Variants in ECHDC3 observed in about 807,000 individuals in gnomAD.
The protein encoded by ECHDC3 is enoyl-CoA hydratase domain-containing protein 3, mitochondrial.
A neutral mutation model predicts 17.9 loss-of-function variants in ECHDC3; 20 were observed. The observed-to-expected ratio is 1.12, with a 90% confidence interval of 0.79 to 1.63. The LOEUF (loss-of-function observed/expected upper bound fraction) is 1.63, where lower values mean the gene tolerates loss of function less well. ECHDC3 is among the 40% of genes most tolerant of loss of function. The probability of loss-of-function intolerance (pLI) is 0.00; values close to 1 mark genes in which losing one functional copy is unlikely to be tolerated. For synonymous variants in ECHDC3, 177 were observed against 149.7 expected (o/e 1.18, Z -1.33); for missense variants, 407 against 357.7 (o/e 1.14, Z -1.11).
intron 4 of ECHDC3, among the ~76,000 whole-genome samples, chr10:11,760,130 T>C (rs1226724126): frequency 6.6e-6 from 1 of 152,220 alleles, no homozygotes; most frequent in African/African-American, 2.4e-5. Flanking sequence ...AGCCTTTCCA[T>C]TGTACTTGAT....
chr10:11,760,954 C>T (rs539605192), intron 4 of ECHDC3, among the ~76,000 whole-genome samples: 107 of 152,374 alleles, frequency 7.0e-4, no homozygotes, highest in African/African-American at 2.5e-3. Flanking sequence ...ATAGCTGTCA[C>T]GTTCCTGCTT....
chr10:11,762,754 C>T (rs1832968870), intron 4 of ECHDC3, among the ~76,000 whole-genome samples: 1 of 152,186 alleles, frequency 6.6e-6, no homozygotes. Flanking sequence ...ATCCTTGCCT[C>T]TCCGGGAGGC....
intron 4 of ECHDC3, among the ~76,000 whole-genome samples, chr10:11,760,107 C>T (rs1221055997): frequency 6.6e-6 from 1 of 152,234 alleles, no homozygotes; most frequent in Non-Finnish European, 1.5e-5. Context: ...CTCAGATGGA[C>T]AATTTTTCCC....
chr10:11,743,399 A>G (rs1832719202), intron 1 of ECHDC3, among the ~76,000 whole-genome samples: 1 of 152,234 alleles, frequency 6.6e-6, no homozygotes, highest in Admixed American at 6.5e-5. Context: ...GAAGACCTAG[A>G]AGGCCGCCTG....
chr10:11,747,892 A>T (rs1018409396), intron 2 of ECHDC3, among the ~76,000 whole-genome samples: 1 of 152,228 alleles, frequency 6.6e-6, no homozygotes, highest in East Asian at 1.9e-4. Context: ...GCTGGAAAAG[A>T]TGCCATATTC....
chr10:11,747,579 T>C, intron 2 of ECHDC3, 109 bp downstream of exon 2: 1 of 1,350,704 alleles, frequency 7.4e-7, no homozygotes, highest in Non-Finnish European at 1.0e-6. Context: ...GTTTTGAAGC[T>C]CCTTTACAAG....
At chr10:11,756,481 G>A (rs1035533547) in intron 4 of ECHDC3, among the ~76,000 whole-genome samples, 8 of 152,216 alleles carry the variant, frequency 5.3e-5, no homozygotes, top group African/African-American at 1.9e-4. Context: ...AGACGCAAAA[G>A]AAATAAGATC....
At chr10:11,755,325 A>G in intron 3 of ECHDC3, 83 bp from the exon 4 acceptor site, 1 of 26,962 alleles carries the variant, frequency 3.7e-5, no homozygotes, top group Non-Finnish European at 6.0e-5. Flanking sequence ...GACTCTGTCA[A>G]AAAAAAAAAA....
At chr10:11,745,507 A>G (rs990225175) in intron 1 of ECHDC3, among the ~76,000 whole-genome samples, 1 of 152,238 alleles carries the variant, frequency 6.6e-6, no homozygotes, top group African/African-American at 2.4e-5. Flanking sequence ...AACAATGTTT[A>G]TAAGAAACAA....
Position 11,747,429 on chromosome 10 carries a change from A to C in ECHDC3, c.251A>C (p.His84Pro). Reference protein sequence around the residue: ...MLKSLQSDILHDADSNDLKVI... With the variant: ...MLKSLQSDILPDADSNDLKVI... ...AAGTCTCTCCAAAGTGACATTCTTCATGACGCTGACAGCAACGATCTGAAA... is the reference window on the plus strand; with the variant it reads ...AAGTCTCTCCAAAGTGACATTCTTCCTGACGCTGACAGCAACGATCTGAAA... Residue 84 changes from histidine to proline, a missense_variant, in exon 2 of 5, where the codon CAT becomes CCT. By Grantham distance (77) the His-to-Pro change is moderately conservative (BLOSUM62 -2). Coordinates refer to ENST00000379215, the MANE Select transcript of ECHDC3 (RefSeq NM_024693.5). 2 of 1,614,078 alleles carry C rather than the reference A, an allele frequency of 1.2e-6. No homozygotes were observed. The highest frequency in any genetic ancestry group is 1.7e-6 in the Non-Finnish European group (2 of 1,179,998).
intron 3 of ECHDC3, among the ~76,000 whole-genome samples, chr10:11,751,473 T>G (rs1832822278): frequency 6.6e-6 from 1 of 152,254 alleles, no homozygotes; most frequent in Non-Finnish European, 1.5e-5. Flanking sequence ...TTGTGCAAGA[T>G]TTCCATTTCC....
At position 11,763,436 on chromosome 10, in the gene ECHDC3, C is replaced by T. The variant is rs756375726; in HGVS notation, c.804C>T (p.Tyr268=). ...CCCAGGACCTGGGGACGGCTTACTA[C>T]CTCACCTCCCAGGCCATGGTGGACA... ...QLPQDLGTAY[Y]LTSQAMVDNL... Residue 268 remains tyrosine, a synonymous_variant, in exon 5 of 5, where the codon TAC becomes TAT. Coordinates refer to ENST00000379215, the MANE Select transcript of ECHDC3 (RefSeq NM_024693.5). This position sits in a 1 kb window ranked among gnomAD's most constrained non-coding sequence, Gnocchi z 4.9. 1 of 848,854 alleles carries T rather than the reference C, an allele frequency of 1.2e-6. No homozygotes were observed. The highest frequency in any genetic ancestry group is 2.0e-6 in the Non-Finnish European group (1 of 490,324). 52.6% of individuals were successfully genotyped at this position (848,854 alleles called of 1,614,324 possible).
intron 4 of ECHDC3, among the ~76,000 whole-genome samples, chr10:11,762,158 T>G (rs755728087): frequency 1.3e-5 from 2 of 151,798 alleles, no homozygotes; most frequent in Non-Finnish European, 2.9e-5. Flanking sequence ...GGGTGTTAAA[T>G]GGAGAGAAGT....
At chr10:11,760,117 C>T (rs1373554902) in intron 4 of ECHDC3, among the ~76,000 whole-genome samples, 1 of 152,310 alleles carries the variant, frequency 6.6e-6, no homozygotes, top group Non-Finnish European at 1.5e-5. Flanking sequence ...CAATTTTTCC[C>T]CCAGCCTTTC....
chr10:11,763,461 A>G lies in ECHDC3; in HGVS notation c.829A>G (p.Asn277Asp), dbSNP rs1588467100. The change falls in exon 5 of 5, where the codon AAC (asparagine) becomes GAC (aspartate). Residue 277 changes from asparagine (N) to aspartate (D), a missense_variant. Asn to Asp is a conservative substitution (Grantham distance 23). Transcript: ENST00000379215. The surrounding 1 kb of genome is among the most constrained non-coding windows in gnomAD (Gnocchi z 4.9). ...YYLTSQAMVDNLALRDGQEGI... is the reference protein window; with the variant it reads ...YYLTSQAMVDDLALRDGQEGI... ...CCTCACCTCCCAGGCCATGGTGGAC[A>G]ACCTGGCCCTGCGGGACGGGCAGGA... 1 of 972,588 alleles carries G rather than the reference A, an allele frequency of 1.0e-6. No individual in the cohort carries two copies. The highest frequency in any genetic ancestry group is 1.6e-6 in the Non-Finnish European group (1 of 606,074). 60.2% of individuals were successfully genotyped at this position (972,588 alleles called of 1,614,324 possible).
rs1396894375 is a variant in ECHDC3, at chr10:11,742,486, C to G, written c.-91C>G. On this transcript the variant is annotated 5_prime_UTR_variant, in exon 1 of 5. Transcript: ENST00000379215. ...CGTCGAGTTCCGTCGAGTTCCGTCC[C>G]GGCCCTGCTCACAGCAGCGCCCTCG... The G allele has an allele frequency of 2.5e-6, 3 of 1,180,132 alleles. No individual in the cohort carries two copies. Among genetic ancestry groups the G allele is most frequent in the Non-Finnish European group, 3.2e-6 (3 of 939,764 alleles). 73.1% of individuals were successfully genotyped at this position (1,180,132 alleles called of 1,614,324 possible).
At chr10:11,749,421 G>T in intron 2 of ECHDC3, 74 bp from the exon 3 acceptor site, 1 of 1,430,366 alleles carries the variant, frequency 7.0e-7, no homozygotes, top group Non-Finnish European at 9.8e-7. Context: ...CAGTAGACAA[G>T]GAAGGGAACT....
chr10:11,759,799 G>A (rs563848355), intron 4 of ECHDC3, among the ~76,000 whole-genome samples: 1 of 152,258 alleles, frequency 6.6e-6, no homozygotes, highest in Admixed American at 6.5e-5. Flanking sequence ...GCCTAGTTGT[G>A]TTAAAAAATA....
At chr10:11,747,657 A>G (rs1012327313) in intron 2 of ECHDC3, among the ~76,000 whole-genome samples, 187 bp downstream of exon 2, 2 of 152,246 alleles carry the variant, frequency 1.3e-5, no homozygotes, top group Non-Finnish European at 2.9e-5. Flanking sequence ...TGCAGAATTT[A>G]TAACAAAGAT....
Sources: allele counts gnomAD v4.1 joint callset (sites outside exome capture counted in the v4.1 genomes callset), GRCh38; gene constraint gnomAD v4.1.1; non-coding constraint Gnocchi (gnomAD v3.1); transcripts MANE v1.5; gene names NCBI Gene and HGNC (gene_info 2026-07-23, HGNC 2026-07-21).